Variants in PLCB1 observed in about 807,000 individuals in gnomAD.
PLCB1 encodes 1-phosphatidylinositol 4,5-bisphosphate phosphodiesterase beta-1.
In PLCB1, 46 loss-of-function variants were observed where a neutral mutation model predicts 161.8. That is an observed-to-expected ratio of 0.28 (90% CI 0.22 to 0.36). The LOEUF is 0.36. PLCB1 is among the 10% of genes least tolerant of loss of function. The pLI, the probability that PLCB1 is intolerant of heterozygous loss-of-function variation, is 1.00. For missense variants in PLCB1, 1,016 were observed against 1,472.5 expected, an observed-to-expected ratio of 0.69 and a Z score of 5.07; for synonymous variants, 517 against 503.7, an observed-to-expected ratio of 1.03 and a Z score of -0.35.
At chr20:8,546,511 C>T (rs74420548) in intron 3 of PLCB1, among the ~76,000 whole-genome samples, 1 of 151,838 alleles carries the variant, frequency 6.6e-6, no homozygotes, top group African/African-American at 2.4e-5. Context: ...CTTATACTAC[C>T]AAGAATGCCA....
At chr20:8,502,520 A>T (rs990035577) in intron 3 of PLCB1, among the ~76,000 whole-genome samples, 1 of 152,194 alleles carries the variant, frequency 6.6e-6, no homozygotes, top group African/African-American at 2.4e-5. Flanking sequence ...GCATTTAATT[A>T]AATAGTTTTT....
At chr20:8,860,763 G>A (rs536491677) in intron 31 of PLCB1, among the ~76,000 whole-genome samples, 2 of 152,316 alleles carry the variant, frequency 1.3e-5, no homozygotes, top group South Asian at 4.1e-4. Flanking sequence ...GCTCCCTGAT[G>A]TCTAAAGAAG....
At chr20:8,742,814 T>C (rs1353868099) in intron 23 of PLCB1, among the ~76,000 whole-genome samples, 2 of 152,232 alleles carry the variant, frequency 1.3e-5, no homozygotes, top group South Asian at 2.1e-4. Context: ...TGCACTATTT[T>C]ATTTTATTTG....
At chr20:8,802,016 A>G in intron 31 of PLCB1, 1 of 1,182,850 alleles carries the variant, frequency 8.5e-7, no homozygotes. Flanking sequence ...AATCAATTTC[A>G]TTGCCACAAA....
At chr20:8,465,981 C>A (rs908762398) in intron 3 of PLCB1, among the ~76,000 whole-genome samples, 34 of 148,362 alleles carry the variant, frequency 2.3e-4, no homozygotes, top group African/African-American at 7.0e-4. Flanking sequence ...TGGGTATATA[C>A]CCAAAGGACT....
rs749014263 is a variant in PLCB1 at position 8,722,465 on chromosome 20, T to C, written c.1581+44T>C. 5 of 1,385,528 alleles carry C rather than the reference T, an allele frequency of 3.6e-6. No individual in the cohort carries two copies. In the African/African-American group the frequency reaches 5.9e-5, roughly 16 times the overall value. The allele number at this position is 1,385,528 out of a possible 1,614,324, so 85.8% of individuals were successfully genotyped here. A position where few individuals can be genotyped will look rare whatever the true frequency, so the allele number is the denominator to read the frequency against. On this transcript the variant is annotated intron_variant, in intron 15 of 31. Transcript: ENST00000338037. ...TGGTCCCTAAGGCATTCCACCACCC[T>C]GTACTCTCCTGGGTCTGTCTCATGG...
At chr20:8,786,600 G>A (rs1983496460) in intron 27 of PLCB1, among the ~76,000 whole-genome samples, 1 of 152,128 alleles carries the variant, frequency 6.6e-6, no homozygotes, top group Admixed American at 6.5e-5. Flanking sequence ...TGAGCCAGAT[G>A]TGTCAGCGTG....
intron 2 of PLCB1, among the ~76,000 whole-genome samples, chr20:8,324,595 GA>G (rs942949370): frequency 3.9e-5 from 6 of 152,252 alleles, no homozygotes; most frequent in African/African-American, 1.4e-4. Flanking sequence ...AGGGTCCTTG[GA>G]ACCTGGGGAC....
At chr20:8,706,263 T>A (rs957043080) in intron 11 of PLCB1, among the ~76,000 whole-genome samples, 1 of 152,238 alleles carries the variant, frequency 6.6e-6, no homozygotes, top group East Asian at 1.9e-4. Context: ...GTCATTTTCA[T>A]ACACAGGCCC....
intron 2 of PLCB1, among the ~76,000 whole-genome samples, chr20:8,285,988 G>C (rs1000341922): frequency 4.6e-5 from 7 of 152,086 alleles, no homozygotes; most frequent in Non-Finnish European, 1.0e-4. Context: ...GTAGTCCATT[G>C]GTCATTTTAT....
At chr20:8,673,366 A>G (rs1295518431) in intron 9 of PLCB1, among the ~76,000 whole-genome samples, 1 of 152,168 alleles carries the variant, frequency 6.6e-6, no homozygotes, top group African/African-American at 2.4e-5. Context: ...CTTATTCTGA[A>G]TTATTCTAGT....
chr20:8,823,295 G>A (rs886910885), intron 31 of PLCB1, among the ~76,000 whole-genome samples: 6 of 152,004 alleles, frequency 3.9e-5, no homozygotes, highest in African/African-American at 9.7e-5. Context: ...GCTAATTTTC[G>A]TGTTTTTAGT....
chr20:8,693,078 C>T (rs1164054095), intron 10 of PLCB1, among the ~76,000 whole-genome samples: 1 of 152,060 alleles, frequency 6.6e-6, no homozygotes, highest in Non-Finnish European at 1.5e-5. Flanking sequence ...GAAAGGGCAA[C>T]CAGAAGTGTA....
chr20:8,370,791 A>G (rs1021103709), intron 2 of PLCB1, among the ~76,000 whole-genome samples: 1 of 152,230 alleles, frequency 6.6e-6, no homozygotes, highest in South Asian at 2.1e-4. Context: ...ATTTGATGAC[A>G]GGTCCATCCA....
intron 6 of PLCB1, among the ~76,000 whole-genome samples, chr20:8,648,941 T>TA (rs11478396): frequency 4.6e-4 from 60 of 130,166 alleles, no homozygotes; most frequent in East Asian, 1.4e-3. Context: ...ACCCTGTCTC[T>TA]AAAAAAAAAA....
chr20:8,403,076 CTT>C (rs1978635488), intron 3 of PLCB1, among the ~76,000 whole-genome samples: 1 of 152,080 alleles, frequency 6.6e-6, no homozygotes, highest in Non-Finnish European at 1.5e-5. Flanking sequence ...ATTCTAAACT[CTT>C]TGTGAGTTAG....
At chr20:8,204,135 A>G (rs1019640240) in intron 2 of PLCB1, among the ~76,000 whole-genome samples, 3 of 152,282 alleles carry the variant, frequency 2.0e-5, no homozygotes, top group African/African-American at 7.2e-5. Context: ...TGAACTGTGG[A>G]AAGAGAGAGC....
At chr20:8,219,642 G>C (rs891589147) in intron 2 of PLCB1, among the ~76,000 whole-genome samples, 2 of 152,108 alleles carry the variant, frequency 1.3e-5, no homozygotes, top group Non-Finnish European at 2.9e-5. Flanking sequence ...TTCTGATAGA[G>C]AGTAGTCACT....
chr20:8,773,952 C>A (rs1450755457), intron 26 of PLCB1, among the ~76,000 whole-genome samples: 1 of 148,586 alleles, frequency 6.7e-6, no homozygotes, highest in African/African-American at 2.6e-5. Context: ...CCAGCTTGGG[C>A]AACAGAGCAA....
Sources: gnomAD v4.1 joint callset for allele counts (sites outside exome capture counted in the v4.1 genomes callset) on GRCh38, gnomAD v4.1.1 for gene constraint, MANE v1.5 for transcripts, NCBI Gene and HGNC (gene_info 2026-07-23, HGNC 2026-07-21) for gene names.